DNAH11: variants seen among roughly 807,000 people sequenced by gnomAD.
The protein encoded by DNAH11 is axonemal beta dynein heavy chain 11.
In DNAH11, 442 loss-of-function variants were observed where a neutral mutation model predicts 526.0. The ratio of observed to expected loss-of-function variants is 0.84; its 90% CI spans 0.78 to 0.91. The LOEUF (loss-of-function observed/expected upper bound fraction) is 0.91. Among genes scored for constraint, DNAH11 ranks in the 40% least tolerant of loss-of-function variants. The pLI is 0.00. For missense variants in DNAH11, 6,989 were observed against 5,448.7 expected (o/e 1.28, Z -8.90); for synonymous variants, 2,461 against 1,935.9 (o/e 1.27, Z -7.12).
chr7:21,877,353 G>A (rs1037754572), intron 74 of DNAH11, among the ~76,000 whole-genome samples: 1 of 152,270 alleles, frequency 6.6e-6, no homozygotes, highest in East Asian at 1.9e-4. Flanking sequence ...GGGACTACAG[G>A]TGTATGCCAC....
intron 28 of DNAH11, among the ~76,000 whole-genome samples, chr7:21,648,617 G>T (rs1787475386): frequency 6.6e-6 from 1 of 152,150 alleles, no homozygotes; most frequent in Admixed American, 6.5e-5. Flanking sequence ...ACTAGCTGAG[G>T]CAACCCAAAA....
intron 1 of DNAH11, 160 bp downstream of exon 1, chr7:21,543,756 G>T: frequency 1.4e-6 from 1 of 695,728 alleles, no homozygotes. Flanking sequence ...TCCTCCCCAC[G>T]TGCACCCACT....
At chr7:21,804,410 A>T (rs944818287) in intron 62 of DNAH11, among the ~76,000 whole-genome samples, 5 of 152,108 alleles carry the variant, frequency 3.3e-5, no homozygotes, top group Non-Finnish European at 7.4e-5. Context: ...TGCCCAGCCT[A>T]TAGTACATTT....
intron 2 of DNAH11, among the ~76,000 whole-genome samples, chr7:21,557,219 C>A (rs996095247): frequency 6.6e-6 from 1 of 152,146 alleles, no homozygotes; most frequent in Non-Finnish European, 1.5e-5. Context: ...GGGGTACTGG[C>A]TCTATTTCCA....
chr7:21,662,027 C>T (rs1475634539), intron 30 of DNAH11, among the ~76,000 whole-genome samples: 1 of 152,074 alleles, frequency 6.6e-6, no homozygotes, highest in Non-Finnish European at 1.5e-5. Context: ...CCATGTTGGC[C>T]AGGCTGGTCT....
Position 21,617,842 on chromosome 7 carries a change from A to T in DNAH11, c.4254+65A>T, listed in dbSNP as rs368581147. Reference sequence around the variant, plus strand: ...TGTGAAGTGTTACTTCTTGGTTTGCATCATCTGAGATGAAGTGTAATTTAT... The same window carrying T: ...TGTGAAGTGTTACTTCTTGGTTTGCTTCATCTGAGATGAAGTGTAATTTAT... On this transcript the variant is annotated intron_variant, in intron 23 of 81. Coordinates refer to ENST00000409508, the MANE Select transcript of DNAH11 (RefSeq NM_001277115.2). The T allele has an allele frequency of 5.9e-5, 86 of 1,446,480 alleles. 1 individual carries two copies. The East Asian group carries it at 1.2e-3, about 20-fold the overall frequency. The allele number at this position is 1,446,480 out of a possible 1,614,324, so 89.6% of individuals were successfully genotyped here.
At chr7:21,786,205 C>G (rs1788176847) in intron 58 of DNAH11, among the ~76,000 whole-genome samples, 1 of 152,064 alleles carries the variant, frequency 6.6e-6, no homozygotes, top group African/African-American at 2.4e-5. Context: ...CTAAGAGACA[C>G]TGAATTAAGG....
chr7:21,888,904 C>T (rs186060313), intron 76 of DNAH11, among the ~76,000 whole-genome samples: 1 of 152,156 alleles, frequency 6.6e-6, no homozygotes, highest in East Asian at 1.9e-4. Context: ...ATATAATTTG[C>T]ACACTGTAAC....
intron 76 of DNAH11, among the ~76,000 whole-genome samples, chr7:21,886,233 A>T (rs116088474): frequency 6.6e-6 from 1 of 152,190 alleles, no homozygotes; most frequent in Non-Finnish European, 1.5e-5. Flanking sequence ...TAATATAATC[A>T]TATCAGTCTA....
chr7:21,825,984 G>C (rs1790277297), intron 65 of DNAH11, among the ~76,000 whole-genome samples: 1 of 150,768 alleles, frequency 6.6e-6, no homozygotes, highest in Non-Finnish European at 1.5e-5. Flanking sequence ...AAAGTGTTTT[G>C]ATGGAATAAT....
rs1025441182 is a variant in DNAH11 at position 21,744,867 on chromosome 7, C to T, written c.8317-3C>T. ...CCATATTTTTCTCTTTCTCATCCTG[C>T]AGGGTATAGATAGTCACATGCTGCT... On this transcript the variant is annotated splice_polypyrimidine_tract_variant and splice_region_variant and intron_variant, in intron 50 of 81. Transcript: ENST00000409508. The T allele has an allele frequency of 6.2e-7, 1 of 1,604,398 alleles. No individual in the cohort carries two copies. The highest frequency in any genetic ancestry group is 1.3e-5 in the African/African-American group (1 of 74,826).
intron 76 of DNAH11, among the ~76,000 whole-genome samples, chr7:21,890,234 T>C (rs184119809): frequency 9.8e-5 from 15 of 152,370 alleles, no homozygotes; most frequent in Admixed American, 7.8e-4. Context: ...TGAATCAGGC[T>C]GTCTAGCTGT....
intron 28 of DNAH11, among the ~76,000 whole-genome samples, chr7:21,641,946 C>T (rs910952218): frequency 2.0e-5 from 3 of 152,104 alleles, no homozygotes; most frequent in South Asian, 2.1e-4. Context: ...AAAATCATAG[C>T]GTAGAGCTCT....
chr7:21,695,460 C>A (rs969867929), intron 35 of DNAH11, among the ~76,000 whole-genome samples: 1 of 152,152 alleles, frequency 6.6e-6, no homozygotes, highest in African/African-American at 2.4e-5. Context: ...ACCATCTGAT[C>A]TTTGACAAAC....
intron 6 of DNAH11, among the ~76,000 whole-genome samples, chr7:21,566,511 A>G (rs6977909): frequency 0.18 from 27,691 of 152,010 alleles, 2,580 homozygotes; most frequent in Middle Eastern, 0.24. Context: ...TATTTTGTTC[A>G]GGAGCTTTTC....
intron 20 of DNAH11, among the ~76,000 whole-genome samples, chr7:21,607,928 C>T (rs1583523938): frequency 1.2e-5 from 1 of 86,846 alleles, no homozygotes; most frequent in East Asian, 3.8e-4. Flanking sequence ...CAGAGCAAGA[C>T]TTCATCTCAA....
At chr7:21,770,325 G>T (rs1181114202) in intron 55 of DNAH11, among the ~76,000 whole-genome samples, 1 of 152,124 alleles carries the variant, frequency 6.6e-6, no homozygotes, top group African/African-American at 2.4e-5. Flanking sequence ...ATAGTGCAAA[G>T]GTAATTTTAT....
intron 79 of DNAH11, among the ~76,000 whole-genome samples, chr7:21,898,984 C>T (rs1377882714): frequency 6.6e-6 from 1 of 152,228 alleles, no homozygotes; most frequent in African/African-American, 2.4e-5. Context: ...CTGTCCATAC[C>T]TCCAAGTTGG....
chr7:21,565,775 G>A (rs1034013002), intron 6 of DNAH11, among the ~76,000 whole-genome samples: 40 of 152,288 alleles, frequency 2.6e-4, no homozygotes, highest in African/African-American at 7.9e-4. Context: ...CGTAGTGCTC[G>A]GTGTTTAATC....
Sources: gnomAD v4.1 joint callset for allele counts (sites outside exome capture counted in the v4.1 genomes callset) on GRCh38, gnomAD v4.1.1 for gene constraint, MANE v1.5 for transcripts, NCBI Gene and HGNC (gene_info 2026-07-23, HGNC 2026-07-21) for gene names.